Variants in WWOX observed in about 807,000 individuals in gnomAD.
WWOX encodes WW domain containing oxidoreductase.
In WWOX, 69 loss-of-function variants were observed where a neutral mutation model predicts 46.2. The ratio of observed to expected loss-of-function variants is 1.49; its 90% CI spans 1.23 to 1.82. The LOEUF is 1.82. WWOX is among the 40% of genes most tolerant of loss of function. The probability of loss-of-function intolerance (pLI) is 0.00; values close to 1 mark genes in which losing one functional copy is unlikely to be tolerated. For missense variants in WWOX, 919 were observed against 542.6 expected (o/e 1.69, Z -6.89); for synonymous variants, 359 against 202.6 (o/e 1.77, Z -6.56).
At chr16:78,428,020 A>G (rs2083127907) in intron 7 of WWOX, among the ~76,000 whole-genome samples, 1 of 152,086 alleles carries the variant, frequency 6.6e-6, no homozygotes, top group Non-Finnish European at 1.5e-5. Flanking sequence ...GTGAGTGGAG[A>G]TTGCACCAGT....
intron 8 of WWOX, among the ~76,000 whole-genome samples, chr16:79,030,926 G>T (rs927439440): frequency 7.9e-5 from 12 of 151,858 alleles, no homozygotes; most frequent in African/African-American, 2.9e-4. Flanking sequence ...TCTACAAAAA[G>T]TAAAAAATAA....
intron 8 of WWOX, among the ~76,000 whole-genome samples, chr16:78,959,107 A>C (rs1218521448): frequency 1.3e-5 from 2 of 152,204 alleles, no homozygotes; most frequent in East Asian, 3.9e-4. Flanking sequence ...ACCATCTTCC[A>C]ATTAGAATGT....
chr16:78,858,765 A>G (rs2052631382), intron 8 of WWOX, among the ~76,000 whole-genome samples: 1 of 151,652 alleles, frequency 6.6e-6, no homozygotes, highest in Non-Finnish European at 1.5e-5. Flanking sequence ...TGCAGCCTCA[A>G]ACTTCTAGGC....
intron 8 of WWOX, chr16:78,496,058 A>C (rs939677175): frequency 1.3e-5 from 2 of 152,146 alleles, no homozygotes; most frequent in Non-Finnish European, 2.9e-5. Context: ...TTTTTGGATG[A>C]TTAGACTTGT....
At chr16:78,395,807 T>C (rs541630306) in intron 6 of WWOX, among the ~76,000 whole-genome samples, 2 of 152,336 alleles carry the variant, frequency 1.3e-5, no homozygotes, top group African/African-American at 4.8e-5. Flanking sequence ...ATTCTTGATT[T>C]ATGCTGATGG....
chr16:78,882,819 C>T (rs1050327075), intron 8 of WWOX, among the ~76,000 whole-genome samples: 3 of 143,382 alleles, frequency 2.1e-5, no homozygotes, highest in Admixed American at 7.1e-5. Context: ...TTTTACAATG[C>T]CACCATTTAA....
intron 8 of WWOX, among the ~76,000 whole-genome samples, chr16:78,547,127 G>GGAAAA (rs2044052706): frequency 1.1e-5 from 1 of 87,516 alleles, no homozygotes; most frequent in East Asian, 3.1e-4. Flanking sequence ...CCTTGTCTCA[G>GGAAAA]AAAAAAAAAA....
chr16:78,730,447 A>G (rs1210017523), intron 8 of WWOX, among the ~76,000 whole-genome samples: 1 of 151,846 alleles, frequency 6.6e-6, no homozygotes, highest in Admixed American at 6.6e-5. Context: ...GTCCAGGAGA[A>G]ATACATCTTT....
intron 8 of WWOX, among the ~76,000 whole-genome samples, chr16:78,635,555 C>G (rs950221827): frequency 2.0e-5 from 3 of 152,186 alleles, no homozygotes; most frequent in Non-Finnish European, 2.9e-5. Context: ...GTTGCTCATC[C>G]TCTCTGCGCC....
chr16:78,642,192 A>G (rs1411890766), intron 8 of WWOX, among the ~76,000 whole-genome samples: 2 of 152,172 alleles, frequency 1.3e-5, no homozygotes, highest in Non-Finnish European at 2.9e-5. Context: ...TCCAGAGATA[A>G]TTTGTGAATA....
At chr16:78,846,255 A>C (rs920422215) in intron 8 of WWOX, among the ~76,000 whole-genome samples, 1 of 152,198 alleles carries the variant, frequency 6.6e-6, no homozygotes, top group Non-Finnish European at 1.5e-5. Context: ...ATTTTTCAGC[A>C]CTGAGAAGTT....
At chr16:78,409,995 A>G (rs771233815) in intron 6 of WWOX, among the ~76,000 whole-genome samples, 3 of 152,134 alleles carry the variant, frequency 2.0e-5, no homozygotes, top group Non-Finnish European at 4.4e-5. Context: ...CATAATCCCT[A>G]GTGTTGGCGG....
At chr16:78,273,889 C>A (rs376837422) in intron 5 of WWOX, among the ~76,000 whole-genome samples, 1 of 152,084 alleles carries the variant, frequency 6.6e-6, no homozygotes. Flanking sequence ...TGTGGGGCAC[C>A]CAAGTGGAAG....
chr16:78,520,201 G>T (rs1309665212), intron 8 of WWOX, among the ~76,000 whole-genome samples: 1 of 152,172 alleles, frequency 6.6e-6, no homozygotes, highest in Non-Finnish European at 1.5e-5. Context: ...GGATTGCCAG[G>T]CTGGACTCTA....
chr16:78,797,358 T>TAAAA (rs57291441), intron 8 of WWOX, among the ~76,000 whole-genome samples: 3,246 of 116,432 alleles, frequency 0.028, 50 homozygotes, highest in Non-Finnish European at 0.039. Flanking sequence ...GTCAAAGTGG[T>TAAAA]AAAAAAAAAA....
chr16:78,430,338 G>A (rs8047039), intron 7 of WWOX, among the ~76,000 whole-genome samples: 29,582 of 151,898 alleles, frequency 0.19, 4,085 homozygotes, highest in African/African-American at 0.38. Flanking sequence ...GGACACAGCC[G>A]AACCGTATCA....
intron 8 of WWOX, among the ~76,000 whole-genome samples, chr16:78,635,398 G>T (rs892086549): frequency 6.6e-6 from 1 of 152,106 alleles, no homozygotes; most frequent in African/African-American, 2.4e-5. Flanking sequence ...TGCTCATCTG[G>T]GAGGAACTAG....
chr16:78,389,894 T>C (rs766909938), intron 6 of WWOX, among the ~76,000 whole-genome samples: 4 of 152,126 alleles, frequency 2.6e-5, no homozygotes, highest in Non-Finnish European at 5.9e-5. Flanking sequence ...GGATTACAGG[T>C]GCAGGTTACC....
At chr16:78,821,049 T>C (rs1371601255) in intron 8 of WWOX, among the ~76,000 whole-genome samples, 1 of 152,188 alleles carries the variant, frequency 6.6e-6, no homozygotes, top group Non-Finnish European at 1.5e-5. Context: ...AAAGACCCTG[T>C]TTCCAAATAA....
Sources: gnomAD v4.1 joint callset for allele counts (sites outside exome capture counted in the v4.1 genomes callset) on GRCh38, gnomAD v4.1.1 for gene constraint, MANE v1.5 for transcripts, NCBI Gene and HGNC (gene_info 2026-07-23, HGNC 2026-07-21) for gene names.